The following VPS45 variants were observed in gnomAD, a reference collection of about 807,000 sequenced individuals.
The protein encoded by VPS45 is vacuolar protein sorting-associated protein 45.
A neutral mutation model predicts 75.9 loss-of-function variants in VPS45; 35 were observed. That is an observed-to-expected ratio of 0.46 (90% CI 0.35 to 0.61). VPS45 has a LOEUF of 0.61. Among genes scored for constraint, VPS45 ranks in the 20% least tolerant of loss-of-function variants. VPS45 has a pLI of 0.00. For missense variants in VPS45, 559 were observed against 685.9 expected, an observed-to-expected ratio of 0.81 and a Z score of 2.07; for synonymous variants, 220 against 238.2, an observed-to-expected ratio of 0.92 and a Z score of 0.70.
At chr1:150,070,518 C>T (rs1654995012) in intron 2 of VPS45, among the ~76,000 whole-genome samples, 1 of 151,914 alleles carries the variant, frequency 6.6e-6, no homozygotes, top group Non-Finnish European at 1.5e-5. Context: ...TTTGGCCGGG[C>T]GCGGTGGCTC....
At chr1:150,133,856 T>C (rs1553812978) in intron 14 of VPS45, among the ~76,000 whole-genome samples, 2 of 152,226 alleles carry the variant, frequency 1.3e-5, no homozygotes, top group Admixed American at 6.5e-5. Context: ...TTTTCCTTTC[T>C]CTTCGCATGA....
At chr1:150,142,037 G>A (rs1659414944) in intron 14 of VPS45, among the ~76,000 whole-genome samples, 2 of 152,036 alleles carry the variant, frequency 1.3e-5, no homozygotes, top group African/African-American at 4.8e-5. Context: ...ATGTTCATTC[G>A]CCATAATTTT....
At chr1:150,081,178 C>T (rs1342593509) in intron 7 of VPS45, among the ~76,000 whole-genome samples, 164 bp from the exon 8 acceptor site, 1 of 152,164 alleles carries the variant, frequency 6.6e-6, no homozygotes, top group Non-Finnish European at 1.5e-5. Context: ...ATTAAAATGA[C>T]AGTCTTAATG....
chr1:150,144,084 A>G (rs587773625), intron 14 of VPS45, among the ~76,000 whole-genome samples: 8 of 150,532 alleles, frequency 5.3e-5, no homozygotes, highest in African/African-American at 1.7e-4. Flanking sequence ...AGAGTATACA[A>G]CAGGATATAA....
In VPS45 at chr1:150,125,047, AT is replaced by A. The variant is rs369680762; in HGVS notation, c.1625+14422del. 2.2e-4 allele frequency among the ~76,000 whole-genome samples: 34 copies of A among 151,620 alleles called. 1 individual carries two copies. In the East Asian group the frequency reaches 4.8e-3, roughly 22 times the overall value. On this transcript the variant is annotated intron_variant, in intron 14 of 14. Coordinates refer to ENST00000644510, the MANE Select transcript of VPS45 (RefSeq NM_007259.5). ...GATGGGTCTTTATTTAACTATTACC[AT>A]TGGACATTTAGGTTGTTTACATTTT...
rs138960727 is a variant in VPS45, at chr1:150,069,922, C to G, written c.228+1158C>G. 4.8e-3 allele frequency among the ~76,000 whole-genome samples: 726 copies of G among 152,226 alleles called. 5 individuals are homozygous for G. The highest frequency in any genetic ancestry group is 0.017 in the African/African-American group (692 of 41,532). On this transcript the variant is annotated intron_variant, in intron 2 of 14. Transcript: ENST00000644510. ...TAAGGGCAAAACTCCTTAATTGTAG[C>G]CTTCAAGGTGCAGCATGGTCTGGTT...
chr1:150,102,632 A>G (rs1553804755), intron 13 of VPS45, among the ~76,000 whole-genome samples: 1 of 152,080 alleles, frequency 6.6e-6, no homozygotes, highest in African/African-American at 2.4e-5. Context: ...CTAAATGCCC[A>G]CCAATGACAG....
At chr1:150,133,055 CT>C (rs1174645520) in intron 14 of VPS45, among the ~76,000 whole-genome samples, 2 of 152,174 alleles carry the variant, frequency 1.3e-5, no homozygotes, top group Non-Finnish European at 2.9e-5. Flanking sequence ...TCTTAAAACC[CT>C]TTACCATAAT....
intron 10 of VPS45, among the ~76,000 whole-genome samples, chr1:150,088,518 C>T (rs1365581152): frequency 1.6e-5 from 2 of 125,788 alleles, no homozygotes; most frequent in Admixed American, 9.6e-5. Flanking sequence ...TTGGCTCTAT[C>T]GCCCAGGCTA....
At chr1:150,134,116 C>T (rs1658960550) in intron 14 of VPS45, among the ~76,000 whole-genome samples, 1 of 152,098 alleles carries the variant, frequency 6.6e-6, no homozygotes, top group African/African-American at 2.4e-5. Flanking sequence ...AAAATAACCC[C>T]AGTGGAATTA....
intron 13 of VPS45, among the ~76,000 whole-genome samples, chr1:150,100,305 T>C (rs190231111): frequency 6.6e-6 from 1 of 152,258 alleles, no homozygotes; most frequent in Admixed American, 6.5e-5. Flanking sequence ...CAGTGAGAAT[T>C]ACAAAACACT....
rs200962633 is a variant in VPS45 at position 150,097,169 on chromosome 1, TC to T, written c.1493+3525del. 5.5e-3 allele frequency among the ~76,000 whole-genome samples: 816 copies of T among 148,794 alleles called. 4 individuals carry two copies. The highest frequency in any genetic ancestry group is 0.019 in the African/African-American group (775 of 40,728). On this transcript the variant is annotated intron_variant, in intron 13 of 14. Transcript: ENST00000644510. The stretch of plus-strand genomic sequence containing the variant: ...GTGGTGCCATCTCGGCTCACTGCAA[TC>T]CCCGCCTCCTGGGTTCAAGATTCTC...
At chr1:150,106,435 A>G (rs1312796383) in intron 13 of VPS45, among the ~76,000 whole-genome samples, 2 of 152,226 alleles carry the variant, frequency 1.3e-5, no homozygotes, top group Non-Finnish European at 2.9e-5. Flanking sequence ...CATTTCTCAA[A>G]AGAATTACAA....
At chr1:150,088,438 T>G (rs1048796619) in intron 10 of VPS45, among the ~76,000 whole-genome samples, 1 of 136,962 alleles carries the variant, frequency 7.3e-6, no homozygotes, top group Non-Finnish European at 1.5e-5. Flanking sequence ...ATAATAAATA[T>G]ATATATATAT....
intron 10 of VPS45, among the ~76,000 whole-genome samples, chr1:150,085,316 A>G (rs1655946772): frequency 6.6e-6 from 1 of 152,110 alleles, no homozygotes; most frequent in South Asian, 2.1e-4. Context: ...TACTGTCTTT[A>G]TTTGTATCTC....
chr1:150,070,224 C>G (rs1654977311), intron 2 of VPS45, among the ~76,000 whole-genome samples: 1 of 152,056 alleles, frequency 6.6e-6, no homozygotes, highest in Admixed American at 6.5e-5. Context: ...ATGTGATTAC[C>G]AGCAGTAAGC....
chr1:150,143,816 C>T (rs587734909), intron 14 of VPS45, among the ~76,000 whole-genome samples: 1 of 152,246 alleles, frequency 6.6e-6, no homozygotes, highest in African/African-American at 2.4e-5. Flanking sequence ...CCCAGCTGAG[C>T]CACTTACTAG....
chr1:150,094,852 G>A (rs1656532070), intron 13 of VPS45, among the ~76,000 whole-genome samples: 1 of 152,162 alleles, frequency 6.6e-6, no homozygotes, highest in African/African-American at 2.4e-5. Context: ...CAGGCCACCG[G>A]AAGAATATAC....
At chr1:150,095,306 G>A (rs1656559175) in intron 13 of VPS45, among the ~76,000 whole-genome samples, 1 of 152,118 alleles carries the variant, frequency 6.6e-6, no homozygotes, top group African/African-American at 2.4e-5. Context: ...TATTTAAGAT[G>A]AGCTTTGAGT....
Sources: gnomAD v4.1 joint callset for allele counts (sites outside exome capture counted in the v4.1 genomes callset) on GRCh38, gnomAD v4.1.1 for gene constraint, MANE v1.5 for transcripts, NCBI Gene and HGNC (gene_info 2026-07-23, HGNC 2026-07-21) for gene names.